MEMO1: variants seen among roughly 807,000 people sequenced by gnomAD.
MEMO1 encodes mediator of cell motility 1, also known as protein MEMO1.
MEMO1 carries 6 observed loss-of-function variants against 45.2 expected under a neutral mutation model. The ratio of observed to expected loss-of-function variants is 0.13; its 90% CI spans 0.07 to 0.26. The LOEUF (loss-of-function observed/expected upper bound fraction) is 0.26. Among genes scored for constraint, MEMO1 ranks in the 10% least tolerant of loss-of-function variants. MEMO1 has a pLI of 1.00. For synonymous variants in MEMO1, 78 were observed against 124.3 expected (o/e 0.63, Z 2.48); for missense variants, 184 against 370.5 (o/e 0.50, Z 4.13).
At chr2:31,960,830 C>T (rs1184829621) in intron 2 of MEMO1, among the ~76,000 whole-genome samples, 1 of 152,056 alleles carries the variant, frequency 6.6e-6, no homozygotes, top group Non-Finnish European at 1.5e-5. Context: ...AAGTGATCCG[C>T]CCGCCTCAGC....
At chr2:31,911,701 T>A (rs1166271287) in intron 6 of MEMO1, among the ~76,000 whole-genome samples, 1 of 152,186 alleles carries the variant, frequency 6.6e-6, no homozygotes, top group East Asian at 1.9e-4. Context: ...TCAATATGGA[T>A]AAACATAACA....
intron 2 of MEMO1, among the ~76,000 whole-genome samples, chr2:32,000,825 T>A (rs1351732631): frequency 6.6e-6 from 1 of 151,358 alleles, no homozygotes; most frequent in Non-Finnish European, 1.5e-5. Context: ...CCTCAAGAGG[T>A]CCTGAGAACA....
intron 8 of MEMO1, among the ~76,000 whole-genome samples, chr2:31,875,204 C>G (rs1674386013): frequency 6.6e-6 from 1 of 152,074 alleles, no homozygotes; most frequent in Non-Finnish European, 1.5e-5. Context: ...AATATTTATT[C>G]AGAAATCATA....
chr2:31,938,756 T>C (rs1665239365), intron 3 of MEMO1, among the ~76,000 whole-genome samples: 1 of 151,506 alleles, frequency 6.6e-6, no homozygotes, highest in Non-Finnish European at 1.5e-5. Flanking sequence ...AATTATTAAA[T>C]AGCATAACCC....
intron 2 of MEMO1, among the ~76,000 whole-genome samples, chr2:32,006,683 T>G (rs970317988): frequency 6.6e-6 from 1 of 151,562 alleles, no homozygotes; most frequent in Non-Finnish European, 1.5e-5. Flanking sequence ...GAAGTGAGAA[T>G]GGGCTGGGTG....
At position 31,961,480 on chromosome 2, in the gene MEMO1, G is replaced by T. The variant is rs1416308207; in HGVS notation, c.62-18097C>A. On this transcript the variant is annotated intron_variant, in intron 2 of 9. Transcript: ENST00000404530. The stretch of plus-strand genomic sequence containing the variant: ...TGGGTTCTTTAAAATATGTTATCTT[G>T]GGCCAGCCATGGTGGCTCACGCCTA... Among the ~76,000 whole-genome samples the T allele has an allele frequency of 2.6e-5, 4 of 151,874 alleles. No homozygotes were observed. The East Asian group carries it at 7.8e-4, about 29-fold the overall frequency.
At chr2:31,899,634 C>A (rs1441686698) in intron 6 of MEMO1, among the ~76,000 whole-genome samples, 1 of 152,206 alleles carries the variant, frequency 6.6e-6, no homozygotes, top group Non-Finnish European at 1.5e-5. Flanking sequence ...GCAAAGTCTT[C>A]ATGACTAAAA....
chr2:31,923,005 G>A (rs982745323), intron 4 of MEMO1, among the ~76,000 whole-genome samples: 2 of 152,020 alleles, frequency 1.3e-5, no homozygotes, highest in African/African-American at 4.8e-5. Flanking sequence ...TGGGACTGCG[G>A]GGCCCAGAGT....
intron 8 of MEMO1, among the ~76,000 whole-genome samples, chr2:31,873,674 A>G (rs1020206100): frequency 1.3e-5 from 2 of 152,172 alleles, no homozygotes; most frequent in African/African-American, 4.8e-5. Flanking sequence ...AACCAGAATC[A>G]TATCTTTTAA....
chr2:31,990,126 A>G (rs962905175), intron 2 of MEMO1, among the ~76,000 whole-genome samples: 3 of 152,162 alleles, frequency 2.0e-5, no homozygotes, highest in Non-Finnish European at 4.4e-5. Flanking sequence ...CAAAAAATTA[A>G]ATAAAATACT....
chr2:31,968,830 C>G (rs1443074932), intron 2 of MEMO1, among the ~76,000 whole-genome samples: 1 of 152,042 alleles, frequency 6.6e-6, no homozygotes, highest in Non-Finnish European at 1.5e-5. Context: ...AATATGTTCT[C>G]TAAAGAGGAC....
At chr2:31,883,920 T>C (rs1055070088) in intron 7 of MEMO1, among the ~76,000 whole-genome samples, 6 of 149,534 alleles carry the variant, frequency 4.0e-5, no homozygotes, top group African/African-American at 1.5e-4. Context: ...AAAAAAACCA[T>C]GAGGTCGCAA....
At chr2:31,981,728 C>A (rs997641693) in intron 2 of MEMO1, among the ~76,000 whole-genome samples, 5 of 152,124 alleles carry the variant, frequency 3.3e-5, no homozygotes, top group African/African-American at 1.2e-4. Context: ...TTCCAAACAC[C>A]CAACCACAGG....
chr2:31,978,738 T>C (rs1335542726), intron 2 of MEMO1, among the ~76,000 whole-genome samples: 1 of 152,208 alleles, frequency 6.6e-6, no homozygotes, highest in Non-Finnish European at 1.5e-5. Context: ...ATATTCTCAT[T>C]TTGAGCAAAG....
chr2:31,873,654 A>T (rs1465386310), intron 8 of MEMO1, among the ~76,000 whole-genome samples: 1 of 152,192 alleles, frequency 6.6e-6, no homozygotes, highest in Non-Finnish European at 1.5e-5. Flanking sequence ...AGAGGCACTT[A>T]CGAAATAAAA....
chr2:32,010,072 T>C (rs1240369680), intron 2 of MEMO1, 115 bp downstream of exon 2: 1 of 371,030 alleles, frequency 2.7e-6, no homozygotes, highest in Non-Finnish European at 3.7e-6. Flanking sequence ...CGGCGGCCCG[T>C]CCGCGCCCTC....
At chr2:31,877,273 A>G (rs963383295) in intron 8 of MEMO1, among the ~76,000 whole-genome samples, 1 of 152,218 alleles carries the variant, frequency 6.6e-6, no homozygotes, top group African/African-American at 2.4e-5. Context: ...AAATACCTAG[A>G]ATAAAAATAC....
chr2:31,910,689 G>A (rs1433902371), intron 6 of MEMO1, among the ~76,000 whole-genome samples: 1 of 152,010 alleles, frequency 6.6e-6, no homozygotes, highest in Non-Finnish European at 1.5e-5. Flanking sequence ...GTGAGACCCT[G>A]TCTCTACAAA....
chr2:31,940,212 GTTTATC>G (rs1421673372), intron 3 of MEMO1, among the ~76,000 whole-genome samples: 1 of 152,052 alleles, frequency 6.6e-6, no homozygotes, highest in Non-Finnish European at 1.5e-5. Flanking sequence ...CTCTTCTCCT[GTTTATC>G]TTTATTTTAT....
Sources: gnomAD v4.1 joint callset for allele counts (sites outside exome capture counted in the v4.1 genomes callset) on GRCh38, gnomAD v4.1.1 for gene constraint, MANE v1.5 for transcripts, NCBI Gene and HGNC (gene_info 2026-07-23, HGNC 2026-07-21) for gene names.